ADCY5: variants seen among roughly 807,000 people sequenced by gnomAD.
ADCY5 encodes adenylate cyclase 5.
A neutral mutation model predicts 119.7 loss-of-function variants in ADCY5; 30 were observed. The observed-to-expected ratio is 0.25, with a 90% CI of 0.19 to 0.34. ADCY5 has a LOEUF of 0.34. ADCY5 is among the 10% of genes least tolerant of loss of function. The pLI is 1.00. For missense variants in ADCY5, 1,324 were observed against 1,775.2 expected (o/e 0.75, Z 4.57); for synonymous variants, 753 against 762.2 (o/e 0.99, Z 0.20).
chr3:123,331,203 G>A (rs978311309), intron 4 of ADCY5, among the ~76,000 whole-genome samples, 187 bp from the exon 5 acceptor site: 1 of 152,196 alleles, frequency 6.6e-6, no homozygotes, highest in Non-Finnish European at 1.5e-5. Flanking sequence ...GGGGAGGGAG[G>A]GATTGTGGGG....
chr3:123,286,917 C>A lies in ADCY5; in HGVS notation c.3533-108G>T, dbSNP rs376807743. 2.8e-5 allele frequency: 41 copies of A among 1,442,756 alleles called. No individual in the cohort carries two copies. The East Asian group carries it at 9.6e-4, about 34-fold the overall frequency. 89.4% of individuals were successfully genotyped at this position (1,442,756 alleles called of 1,614,324 possible). ...CTTCTGACTCCCAACCTGAGACACCCGTGGGCTTCCAGGCCCAAGGCTGTG... is the reference window on the plus strand; with the variant it reads ...CTTCTGACTCCCAACCTGAGACACCAGTGGGCTTCCAGGCCCAAGGCTGTG... On this transcript the variant is annotated intron_variant, in intron 19 of 20. Coordinates refer to ENST00000462833, the MANE Select transcript of ADCY5 (RefSeq NM_183357.3). This position sits in a 1 kb window ranked among gnomAD's most constrained non-coding sequence, Gnocchi z 4.2.
In ADCY5 at chr3:123,327,763, C is replaced by T; in HGVS notation, c.1806-4G>A. On this transcript the variant is annotated splice_polypyrimidine_tract_variant and splice_region_variant and intron_variant, in intron 6 of 20. Transcript: ENST00000462833. ...AGCCTTGGTGATGTGGATGCGTCTA[C>T]AGGGGGGCAGGGATCAGGGTGGAGA... The T allele has an allele frequency of 6.2e-7, 1 of 1,613,986 alleles. No homozygotes were observed. The highest frequency in any genetic ancestry group is 8.5e-7 in the Non-Finnish European group (1 of 1,179,934).
At chr3:123,400,905 C>T (rs1371243645) in intron 1 of ADCY5, among the ~76,000 whole-genome samples, 1 of 151,822 alleles carries the variant, frequency 6.6e-6, no homozygotes, top group African/African-American at 2.4e-5. Flanking sequence ...GATCACGCCA[C>T]TGCACTCCAG....
intron 1 of ADCY5, among the ~76,000 whole-genome samples, chr3:123,418,599 C>A (rs1945234532): frequency 6.6e-6 from 1 of 152,188 alleles, no homozygotes; most frequent in Non-Finnish European, 1.5e-5. Flanking sequence ...ACGAATCCAG[C>A]CTCAGCAGAG....
At chr3:123,371,811 T>A (rs1286598098) in intron 1 of ADCY5, among the ~76,000 whole-genome samples, 6 of 152,066 alleles carry the variant, frequency 3.9e-5, no homozygotes, top group African/African-American at 1.4e-4. Flanking sequence ...ATCTACACAG[T>A]GAAGGGCAGA....
Position 123,448,140 on chromosome 3 carries a change from C to T in ADCY5, c.406G>A (p.Gly136Ser). 1 of 1,026,988 alleles carries T rather than the reference C, an allele frequency of 9.7e-7. No individual in the cohort carries two copies. The highest frequency in any genetic ancestry group is 1.2e-6 in the Non-Finnish European group (1 of 862,718). The allele number at this position is 1,026,988 out of a possible 1,614,324, so 63.6% of individuals were successfully genotyped here. ...GCAGCCGCCGCCGCCGAGCCGCCGC[C>T]GCCGCCCGCAGGGGGCGCCCGGGTG... ...GSTRAPPAGG[G>S]GGSAAAAASA... The change falls in exon 1 of 21, where the codon GGC becomes AGC. Residue 136 changes from glycine (G) to serine (S), a missense_variant. By Grantham distance (56) the Gly-to-Ser change is moderately conservative. Coordinates refer to ENST00000462833, the MANE Select transcript of ADCY5 (RefSeq NM_183357.3).
intron 1 of ADCY5, among the ~76,000 whole-genome samples, chr3:123,384,450 C>T (rs1446565976): frequency 1.3e-5 from 2 of 152,146 alleles, no homozygotes; most frequent in Non-Finnish European, 2.9e-5. Context: ...CTCCATGGCC[C>T]CAGAAGCGAA....
rs1284854868 is a variant in ADCY5, at chr3:123,447,445, G to T, written c.1101C>A (p.Arg367=). The change falls in exon 1 of 21, where the codon CGC becomes CGA. Residue 367 remains arginine, a synonymous_variant. Coordinates refer to ENST00000462833, the MANE Select transcript of ADCY5 (RefSeq NM_183357.3). ...GCAGGAACTGGTCCTGGGCGTTGGT[G>T]CGCAGGGCGATGGCCAGGTGGAGGG... is the stretch of plus-strand genomic sequence containing the variant. ...LSALHLAIAL[R]TNAQDQFLLK... The T allele has an allele frequency of 6.2e-7, 1 of 1,604,930 alleles. No homozygotes were observed. The highest frequency in any genetic ancestry group is 8.5e-7 in the Non-Finnish European group (1 of 1,175,224).
In ADCY5 at chr3:123,323,141, C is replaced by T. The variant is rs137920949; in HGVS notation, c.2088+2181G>A. On this transcript the variant is annotated intron_variant, in intron 8 of 20. Coordinates refer to ENST00000462833, the MANE Select transcript of ADCY5 (RefSeq NM_183357.3). ...TTGATGGCAGCCCCCTCAGGGGACA[C>T]CAGGCCCAGCCAGGACAGGAGCCTC... 2.6e-3 allele frequency among the ~76,000 whole-genome samples: 398 copies of T among 152,354 alleles called. 3 individuals carry two copies. Among genetic ancestry groups the T allele is most frequent in the African/African-American group, 8.8e-3 (367 of 41,576 alleles).
In ADCY5 at chr3:123,448,685, G is replaced by A. The variant is rs1332615984; in HGVS notation, c.-140C>T. 1.4e-6 allele frequency: 1 copy of A among 702,814 alleles called. No homozygotes were observed. The highest frequency in any genetic ancestry group is 1.8e-5 in the African/African-American group (1 of 54,148). 43.5% of individuals were successfully genotyped at this position (702,814 alleles called of 1,614,324 possible). A position where few individuals can be genotyped will look rare whatever the true frequency, so the allele number is the denominator to read the frequency against. On this transcript the variant is annotated 5_prime_UTR_variant, in exon 1 of 21. Transcript: ENST00000462833. Reference sequence around the variant, plus strand: ...CGGCCCGGGGCCCTGCGCTGCAGCGGGGCATCTTGGCACCCCCGTCCTGAG... The same window carrying A: ...CGGCCCGGGGCCCTGCGCTGCAGCGAGGCATCTTGGCACCCCCGTCCTGAG...
intron 1 of ADCY5, among the ~76,000 whole-genome samples, chr3:123,360,927 G>A (rs1943225976): frequency 6.6e-6 from 1 of 152,172 alleles, no homozygotes; most frequent in African/African-American, 2.4e-5. Flanking sequence ...TGAGGAAACT[G>A]AGGCCCGAGG....
intron 1 of ADCY5, among the ~76,000 whole-genome samples, chr3:123,380,617 T>A (rs565845156): frequency 6.6e-6 from 1 of 152,096 alleles, no homozygotes; most frequent in Non-Finnish European, 1.5e-5. Flanking sequence ...TCCTTCCCCA[T>A]GAGAAATGCA....
intron 1 of ADCY5, among the ~76,000 whole-genome samples, chr3:123,410,368 A>G (rs1475875520): frequency 1.3e-5 from 2 of 148,952 alleles, no homozygotes; most frequent in African/African-American, 5.0e-5. Context: ...CTCCTCCTCA[A>G]CACAGCAGCC....
chr3:123,395,898 A>C (rs1944529016), intron 1 of ADCY5, among the ~76,000 whole-genome samples: 1 of 150,350 alleles, frequency 6.7e-6, no homozygotes, highest in African/African-American at 2.5e-5. Context: ...AAAGAAAGAG[A>C]GAGAGAGAAA....
chr3:123,384,807 A>G (rs920879525), intron 1 of ADCY5, among the ~76,000 whole-genome samples: 1 of 152,092 alleles, frequency 6.6e-6, no homozygotes, highest in African/African-American at 2.4e-5. Flanking sequence ...GGCCACTAGT[A>G]CCACTCTGAT....
rs547841848 is a variant in ADCY5 at position 123,354,403 on chromosome 3, C to G, written c.1135-1822G>C. On this transcript the variant is annotated intron_variant, in intron 1 of 20. Transcript: ENST00000462833. ...TGGCTGGGAGCCATTCAGGGCAGAG[C>G]TGACTCAGAAGGAAGAGCCCCTAAG... Among the ~76,000 whole-genome samples, 6 of 152,266 alleles carry G rather than the reference C, an allele frequency of 3.9e-5. No individual in the cohort carries two copies. In the South Asian group the frequency reaches 1.2e-3, roughly 32 times the overall value.
At chr3:123,298,053 G>C (rs1323986860) in intron 15 of ADCY5, among the ~76,000 whole-genome samples, 7 of 152,024 alleles carry the variant, frequency 4.6e-5, no homozygotes, top group African/African-American at 1.7e-4. Context: ...AGGCTGCAGT[G>C]CAGTGGTGCA....
chr3:123,370,174 A>G (rs1044087547), intron 1 of ADCY5, among the ~76,000 whole-genome samples: 2 of 152,206 alleles, frequency 1.3e-5, no homozygotes, highest in African/African-American at 2.4e-5. Context: ...CCTGCCCTGC[A>G]TACTCTCTAG....
At chr3:123,284,786 T>C in intron 20 of ADCY5, 50 bp from the exon 21 acceptor site, 1 of 1,612,020 alleles carries the variant, frequency 6.2e-7, no homozygotes, top group African/African-American at 1.3e-5. Context: ...GCCTTGGCCA[T>C]GAACTGCTGT....
Sources: gnomAD v4.1 joint callset for allele counts (sites outside exome capture counted in the v4.1 genomes callset) on GRCh38, gnomAD v4.1.1 for gene constraint, Gnocchi (gnomAD v3.1) non-coding constraint, MANE v1.5 for transcripts, NCBI Gene and HGNC (gene_info 2026-07-23, HGNC 2026-07-21) for gene names.